ANKRD62: variants seen among roughly 807,000 people sequenced by gnomAD.
ANKRD62 encodes ankyrin repeat domain-containing protein 62.
ANKRD62 carries 61 observed loss-of-function variants against 98.8 expected under a neutral mutation model. That is an observed-to-expected ratio of 0.62 (90% CI 0.50 to 0.76). ANKRD62 has a LOEUF of 0.76. ANKRD62 is among the 30% of genes least tolerant of loss of function. The pLI, the probability that ANKRD62 is intolerant of heterozygous loss-of-function variation, is 0.00. For synonymous variants in ANKRD62, 341 were observed against 367.9 expected (o/e 0.93, Z 0.84); for missense variants, 933 against 1,082.9 (o/e 0.86, Z 1.94).
the ANKRD62 span, among the ~76,000 whole-genome samples, chr18:12,169,883 T>C: frequency 6.6e-6 from 1 of 152,222 alleles, no homozygotes; most frequent in Admixed American, 6.5e-5. Context: ...CAGGAATTTA[T>C]CCATTTCTTC....
the ANKRD62 span, among the ~76,000 whole-genome samples, chr18:12,157,131 A>T: frequency 6.6e-6 from 1 of 152,208 alleles, no homozygotes; most frequent in Non-Finnish European, 1.5e-5. Context: ...CTGAAGTTCT[A>T]CTTTGGGATG....
At position 12,096,285 on chromosome 18, in the gene ANKRD62, A is replaced by G; in HGVS notation, c.597A>G (p.Ala199=). 6.5e-7 allele frequency: 1 copy of G among 1,529,666 alleles called. No homozygotes were observed. Among genetic ancestry groups the G allele is most frequent in the East Asian group, 2.4e-5 (1 of 40,848 alleles). The allele number at this position is 1,529,666 out of a possible 1,614,324, so 94.8% of individuals were successfully genotyped here. A position where few individuals can be genotyped will look rare whatever the true frequency, so the allele number is the denominator to read the frequency against. Residue 199 remains alanine (A), a synonymous_variant, in exon 4 of 14, where the codon GCA becomes GCG. Transcript: ENST00000587848. ...FLLKKKPDLT[A]IDNFGRTALI... ...TGAAGAAAAAACCAGATTTAACTGCAATAGATAATTTTGGAAGGTACAGTA... is the reference window on the plus strand; with the variant it reads ...TGAAGAAAAAACCAGATTTAACTGCGATAGATAATTTTGGAAGGTACAGTA...
chr18:12,139,719 G>C, the ANKRD62 span, among the ~76,000 whole-genome samples: 1 of 152,000 alleles, frequency 6.6e-6, no homozygotes, highest in African/African-American at 2.4e-5. Flanking sequence ...GAGATCAGCT[G>C]TTAGTCTGAT....
chr18:12,125,585 A>C lies in ANKRD62; in HGVS notation c.1764A>C (p.Lys588Asn), dbSNP rs1370885238. ...IKHQNQETEN[K>N]YFKDIEIIKE... is the part of the protein sequence containing the mutation. Reference sequence around the variant, plus strand: ...ATCAGAACCAGGAAACTGAAAATAAATATTTCAAAGATATTGAAATTATAA... The same window carrying C: ...ATCAGAACCAGGAAACTGAAAATAACTATTTCAAAGATATTGAAATTATAA... The change falls in exon 13 of 14, where the codon AAA becomes AAC. Residue 588 changes from lysine (K) to asparagine (N), a missense_variant. By Grantham distance (94) the Lys-to-Asn change is moderately conservative. Coordinates refer to ENST00000587848, the MANE Select transcript of ANKRD62 (RefSeq NM_001277333.2). 1 of 1,528,280 alleles carries C rather than the reference A, an allele frequency of 6.5e-7. No individual in the cohort carries two copies. The highest frequency in any genetic ancestry group is 1.4e-5 in the African/African-American group (1 of 72,228). The allele number at this position is 1,528,280 out of a possible 1,614,324, so 94.7% of individuals were successfully genotyped here.
intron 8 of ANKRD62, among the ~76,000 whole-genome samples, chr18:12,114,235 C>T (rs567899615): frequency 3.9e-5 from 6 of 151,998 alleles, no homozygotes; most frequent in Non-Finnish European, 8.8e-5. Context: ...GCAACAAAAC[C>T]CCGTGACACA....
At chr18:12,150,301 C>T in the ANKRD62 span, among the ~76,000 whole-genome samples, 1 of 152,072 alleles carries the variant, frequency 6.6e-6, no homozygotes, top group Non-Finnish European at 1.5e-5. Flanking sequence ...AAGTATGGGA[C>T]TATATAAAGA....
intron 2 of ANKRD62, 25 bp downstream of exon 2, chr18:12,095,310 C>T: frequency 6.5e-7 from 1 of 1,535,172 alleles, no homozygotes. Flanking sequence ...ACTCTTTCAG[C>T]ATGGGATGGA....
Position 12,112,462 on chromosome 18 carries a change from A to G in ANKRD62, c.1065-2626A>G, listed in dbSNP as rs79986317. ...TCAACAAACCTGACAAAAAGCAACAAGGACAGGACCGTATTTAATAAATGG... is the reference window on the plus strand; with the variant it reads ...TCAACAAACCTGACAAAAAGCAACAGGGACAGGACCGTATTTAATAAATGG... On this transcript the variant is annotated intron_variant, in intron 8 of 13. Transcript: ENST00000587848. 8.8e-3 allele frequency among the ~76,000 whole-genome samples: 1,345 copies of G among 152,272 alleles called. 14 individuals are homozygous for G. Among genetic ancestry groups the G allele is most frequent in the African/African-American group, 0.03 (1,247 of 41,560 alleles).
At position 12,099,722 on chromosome 18, in the gene ANKRD62, C is replaced by G. The variant is rs1413378246; in HGVS notation, c.820+40C>G. Reference sequence around the variant, plus strand: ...AGTGAATTCCTCTCGATGGTCCTGTCATAGATAAAAAAGTAAGAGGAAGGA... The same window carrying G: ...AGTGAATTCCTCTCGATGGTCCTGTGATAGATAAAAAAGTAAGAGGAAGGA... On this transcript the variant is annotated intron_variant, in intron 6 of 13. Transcript: ENST00000587848. The G allele has an allele frequency of 2.5e-6, 3 of 1,204,294 alleles. No homozygotes were observed. The African/African-American group carries it at 4.7e-5, about 19-fold the overall frequency. The allele number at this position is 1,204,294 out of a possible 1,614,324, so 74.6% of individuals were successfully genotyped here.
Position 12,094,158 on chromosome 18 carries a change from C to T in ANKRD62, c.141C>T (p.Ile47=), listed in dbSNP as rs552655696. ...TGGGCATGATCCACAAAGCTGCCATCGCAGGTGATGTGAACAAGGTGATGG... is the reference window on the plus strand; with the variant it reads ...TGGGCATGATCCACAAAGCTGCCATTGCAGGTGATGTGAACAAGGTGATGG... ...KDLGMIHKAA[I]AGDVNKVMES... Residue 47 remains isoleucine, a synonymous_variant, in exon 1 of 14, where the codon ATC becomes ATT. Transcript: ENST00000587848. 84 of 1,532,614 alleles carry T rather than the reference C, an allele frequency of 5.5e-5. No individual in the cohort carries two copies. The highest frequency in any genetic ancestry group is 3.3e-4 in the Middle Eastern group (2 of 5,986). The allele number at this position is 1,532,614 out of a possible 1,614,324, so 94.9% of individuals were successfully genotyped here. A position where few individuals can be genotyped will look rare whatever the true frequency, so the allele number is the denominator to read the frequency against.
intron 8 of ANKRD62, among the ~76,000 whole-genome samples, chr18:12,113,193 C>T (rs1003827632): frequency 2.0e-5 from 3 of 152,032 alleles, no homozygotes; most frequent in Non-Finnish European, 1.5e-5. Context: ...CTGCTCCAGG[C>T]CAAGAACAGA....
chr18:12,163,532 C>T, the ANKRD62 span, among the ~76,000 whole-genome samples: 1 of 152,112 alleles, frequency 6.6e-6, no homozygotes, highest in African/African-American at 2.4e-5. Flanking sequence ...CTAGCGAGAA[C>T]TTCCAGTAGT....
chr18:12,102,216 T>C, intron 6 of ANKRD62: 3 of 806,874 alleles, frequency 3.7e-6, no homozygotes, highest in Non-Finnish European at 6.7e-6. Flanking sequence ...GAGCCAAGGA[T>C]TCAAATAAGC....
At chr18:12,160,844 G>A in the ANKRD62 span, among the ~76,000 whole-genome samples, 1 of 152,114 alleles carries the variant, frequency 6.6e-6, no homozygotes, top group South Asian at 2.1e-4. Context: ...AAAAATGGCG[G>A]TGGAAGGAAA....
chr18:12,118,672 T>C (rs1417706296), intron 10 of ANKRD62, among the ~76,000 whole-genome samples: 4 of 151,720 alleles, frequency 2.6e-5, no homozygotes, highest in African/African-American at 9.7e-5. Context: ...GACTTGGTAA[T>C]ATGCATGTAT....
Position 12,115,540 on chromosome 18 carries a change from A to C in ANKRD62, c.1240+6A>C, listed in dbSNP as rs897215433. ...AAGTGGAATGGAGTGTAAAGGTAGG[A>C]CCAATGCATAAATATAAGGCTCTTT... On this transcript the variant is annotated splice_donor_region_variant and intron_variant, in intron 10 of 13. Transcript: ENST00000587848. 3 of 1,532,020 alleles carry C rather than the reference A, an allele frequency of 2.0e-6. No individual in the cohort carries two copies. The highest frequency in any genetic ancestry group is 2.8e-5 in the African/African-American group (2 of 72,654). 94.9% of individuals were successfully genotyped at this position (1,532,020 alleles called of 1,614,324 possible).
At chr18:12,165,122 G>A in the ANKRD62 span, among the ~76,000 whole-genome samples, 2 of 151,844 alleles carry the variant, frequency 1.3e-5, no homozygotes, top group African/African-American at 4.8e-5. Context: ...CCTTTGCCAT[G>A]GAATATTTTT....
chr18:12,134,459 T>C (rs1032716191), downstream of ANKRD62, among the ~76,000 whole-genome samples: 4 of 152,142 alleles, frequency 2.6e-5, no homozygotes, highest in Non-Finnish European at 5.9e-5. Flanking sequence ...TGCGCCATGT[T>C]GGTGTGCTGC....
At chr18:12,097,831 C>T (rs1909214479) in intron 5 of ANKRD62, 54 bp downstream of exon 5, 8 of 1,513,216 alleles carry the variant, frequency 5.3e-6, no homozygotes, top group Non-Finnish European at 7.1e-6. Flanking sequence ...GTCATTGTAA[C>T]CATTGCATCT....
Sources: gnomAD v4.1 joint callset for allele counts (sites outside exome capture counted in the v4.1 genomes callset) on GRCh38, gnomAD v4.1.1 for gene constraint, MANE v1.5 for transcripts, NCBI Gene and HGNC (gene_info 2026-07-23, HGNC 2026-07-21) for gene names.